Variants in EFR3A observed in about 807,000 individuals in gnomAD.
EFR3A encodes the protein EFR3 homolog A.
In EFR3A, 76 loss-of-function variants were observed where a neutral mutation model predicts 104.4. The observed-to-expected ratio is 0.73, with a 90% CI of 0.60 to 0.88. The LOEUF (loss-of-function observed/expected upper bound fraction) is 0.88, where lower values mean the gene tolerates loss of function less well. EFR3A is among the 40% of genes least tolerant of loss of function. EFR3A has a pLI of 0.00. For synonymous variants in EFR3A, 330 were observed against 330.0 expected (o/e 1.00, Z 0.00); for missense variants, 985 against 1,012.5 (o/e 0.97, Z 0.37).
intron 22 of EFR3A, among the ~76,000 whole-genome samples, chr8:132,010,405 G>GATATATATATATATATATATATATAT (rs200821953): frequency 3.4e-5 from 3 of 88,012 alleles, no homozygotes; most frequent in African/African-American, 4.7e-5. Flanking sequence ...AATCAAGTAT[G>GATATATATATATATATATATATATAT]AGATATATAT....
intron 18 of EFR3A, among the ~76,000 whole-genome samples, chr8:131,993,925 C>T (rs1469897866): frequency 2.0e-5 from 3 of 152,012 alleles, no homozygotes; most frequent in Admixed American, 2.0e-4. Context: ...ACACTGGGAC[C>T]TGTTGGAGGG....
intron 1 of EFR3A, among the ~76,000 whole-genome samples, chr8:131,937,071 C>T (rs1026180790): frequency 6.6e-6 from 1 of 152,082 alleles, no homozygotes; most frequent in African/African-American, 2.4e-5. Context: ...CCTTGAGCCC[C>T]CAGCCATCAG....
chr8:131,922,616 T>G (rs1817103009), intron 1 of EFR3A, among the ~76,000 whole-genome samples: 1 of 152,170 alleles, frequency 6.6e-6, no homozygotes, highest in African/African-American at 2.4e-5. Context: ...AAATCACATT[T>G]ACTGTTAATT....
intron 1 of EFR3A, among the ~76,000 whole-genome samples, chr8:131,934,116 GAAGAT>G (rs1342830782): frequency 1.3e-4 from 20 of 152,156 alleles, no homozygotes; most frequent in African/African-American, 4.8e-4. Context: ...ACACTTTTCT[GAAGAT>G]AAGATTATTT....
In EFR3A at chr8:131,970,638, C is replaced by A; in HGVS notation, c.1154C>A (p.Thr385Lys). 4 of 1,612,678 alleles carry A rather than the reference C, an allele frequency of 2.5e-6. No individual in the cohort carries two copies. The highest frequency in any genetic ancestry group is 3.4e-6 in the Non-Finnish European group (4 of 1,179,364). The change falls in exon 10 of 23, where the codon ACA (threonine) becomes AAA (lysine). Residue 385 changes from threonine (T) to lysine (K), a missense_variant. Coordinates refer to ENST00000254624, the MANE Select transcript of EFR3A (RefSeq NM_015137.6). ...EKIVQNAIIQTIGFFGSNLPD... is the reference protein window; with the variant it reads ...EKIVQNAIIQKIGFFGSNLPD... ...ATTGTGCAGAATGCTATCATCCAAA[C>A]AATAGGTGAGTACATTTCACTTTTC...
chr8:131,918,201 C>T (rs754333896), intron 1 of EFR3A, among the ~76,000 whole-genome samples: 1 of 152,138 alleles, frequency 6.6e-6, no homozygotes, highest in Non-Finnish European at 1.5e-5. Flanking sequence ...GCAGGAGAAT[C>T]GCATGAACCC....
chr8:131,908,503 G>A (rs1166130245), intron 1 of EFR3A, among the ~76,000 whole-genome samples: 1 of 152,182 alleles, frequency 6.6e-6, no homozygotes, highest in Non-Finnish European at 1.5e-5. Flanking sequence ...AATACTGATT[G>A]TGTGGTAGGC....
intron 4 of EFR3A, among the ~76,000 whole-genome samples, chr8:131,949,201 T>A (rs763929600): frequency 6.6e-6 from 1 of 152,114 alleles, no homozygotes; most frequent in Non-Finnish European, 1.5e-5. Flanking sequence ...GTTCATGTTC[T>A]TTAAAAGAAA....
chr8:131,998,312 A>G (rs1279902979), intron 19 of EFR3A, among the ~76,000 whole-genome samples: 4 of 152,102 alleles, frequency 2.6e-5, no homozygotes, highest in African/African-American at 9.6e-5. Flanking sequence ...AATGAATCAG[A>G]TAAGAACATT....
chr8:131,930,663 T>A (rs1302598719), intron 1 of EFR3A, among the ~76,000 whole-genome samples: 1 of 152,062 alleles, frequency 6.6e-6, no homozygotes, highest in Admixed American at 6.6e-5. Flanking sequence ...GAAAATCTAC[T>A]CCCTAATGAG....
In EFR3A at chr8:132,012,743, AAAT is replaced by A. The variant is rs1344158660; in HGVS notation, c.*1850_*1852del. ...AACACTGTGTGCTTTTGTATGGAAAAAATATATATAATTTAATAGTATAAAAAA... is the reference window on the plus strand; with the variant it reads ...AACACTGTGTGCTTTTGTATGGAAAAATATATAATTTAATAGTATAAAAAA... On this transcript the variant is annotated 3_prime_UTR_variant, in exon 23 of 23. Transcript: ENST00000254624. 6.6e-6 allele frequency: 1 copy of A among 152,344 alleles called. No individual in the cohort carries two copies. The highest frequency in any genetic ancestry group is 2.4e-5 in the African/African-American group (1 of 41,404). The allele number at this position is 152,344 out of a possible 1,614,324, so 9.4% of individuals were successfully genotyped here.
chr8:131,979,539 G>T, intron 14 of EFR3A, 118 bp downstream of exon 14: 2 of 677,528 alleles, frequency 3.0e-6, no homozygotes, highest in East Asian at 5.8e-5. Context: ...GAATTTGAAA[G>T]ACCTCAAGAC....
At chr8:131,962,466 C>T (rs1179999186) in intron 8 of EFR3A, among the ~76,000 whole-genome samples, 1 of 152,136 alleles carries the variant, frequency 6.6e-6, no homozygotes, top group Non-Finnish European at 1.5e-5. Context: ...ACAAAGAAGG[C>T]TATTACATAA....
At chr8:131,982,513 G>C (rs1393841204) in intron 14 of EFR3A, among the ~76,000 whole-genome samples, 1 of 151,996 alleles carries the variant, frequency 6.6e-6, no homozygotes, top group Non-Finnish European at 1.5e-5. Flanking sequence ...AGGAATTGCT[G>C]AGTAATAGGT....
chr8:131,936,763 A>G (rs1817913233), intron 1 of EFR3A, among the ~76,000 whole-genome samples: 1 of 152,106 alleles, frequency 6.6e-6, no homozygotes, highest in Non-Finnish European at 1.5e-5. Flanking sequence ...GAAAAGATGC[A>G]TAGGTCCAAG....
At chr8:131,988,809 T>C (rs1453728956) in intron 18 of EFR3A, among the ~76,000 whole-genome samples, 1 of 152,130 alleles carries the variant, frequency 6.6e-6, no homozygotes. Flanking sequence ...CTTAATAAAA[T>C]GTGCCTTTTA....
intron 10 of EFR3A, 38 bp downstream of exon 10, chr8:131,970,681 CA>C: frequency 6.4e-7 from 1 of 1,573,010 alleles, no homozygotes; most frequent in Non-Finnish European, 8.7e-7. Flanking sequence ...TCATGTAAAA[CA>C]GTGATTTACA....
chr8:131,957,320 A>T (rs1211882190), intron 7 of EFR3A, among the ~76,000 whole-genome samples: 1 of 149,866 alleles, frequency 6.7e-6, no homozygotes, highest in South Asian at 2.1e-4. Flanking sequence ...CAAATAATTC[A>T]TGTCTAATTT....
chr8:131,949,968 G>A lies in EFR3A; in HGVS notation c.367-1G>A. On this transcript the variant is annotated splice_acceptor_variant, in intron 4 of 22. Coordinates refer to ENST00000254624, the MANE Select transcript of EFR3A (RefSeq NM_015137.6). LOFTEE classifies it high-confidence loss of function. Reference sequence around the variant, plus strand: ...TATATTATATTATTTGTGTTTTTTAGTTTGTCAAATTTGCAAATATTGAAG... The same window carrying A: ...TATATTATATTATTTGTGTTTTTTAATTTGTCAAATTTGCAAATATTGAAG... 5 of 1,586,742 alleles carry A rather than the reference G, an allele frequency of 3.2e-6. No homozygotes were observed. The highest frequency in any genetic ancestry group is 4.3e-6 in the Non-Finnish European group (5 of 1,169,262).
Sources: gnomAD v4.1 joint callset for allele counts (sites outside exome capture counted in the v4.1 genomes callset) on GRCh38, gnomAD v4.1.1 for gene constraint, MANE v1.5 for transcripts, NCBI Gene and HGNC (gene_info 2026-07-23, HGNC 2026-07-21) for gene names.